BBX: variants seen among roughly 807,000 people sequenced by gnomAD.
BBX encodes the protein BBX high mobility group box domain containing.
BBX carries 30 observed loss-of-function variants against 100.2 expected under a neutral mutation model. The ratio of observed to expected loss-of-function variants is 0.30; its 90% CI spans 0.22 to 0.41. The LOEUF is 0.41. Ranked by LOEUF, BBX falls within the 10% of genes least tolerant of loss-of-function variation. The pLI is 1.00. For missense variants in BBX, 1,023 were observed against 1,129.8 expected (o/e 0.91, Z 1.35); for synonymous variants, 376 against 388.1 (o/e 0.97, Z 0.37).
intron 3 of BBX, among the ~76,000 whole-genome samples, chr3:107,666,598 G>A (rs1267353264): frequency 3.9e-5 from 6 of 152,106 alleles, no homozygotes; most frequent in African/African-American, 4.8e-5. Flanking sequence ...ACGGAGTCTC[G>A]CTCTATTGGC....
At chr3:107,530,591 A>G (rs1293555730) in intron 2 of BBX, among the ~76,000 whole-genome samples, 1 of 152,250 alleles carries the variant, frequency 6.6e-6, no homozygotes, top group Non-Finnish European at 1.5e-5. Flanking sequence ...GAACTCTTAA[A>G]AGGAACATAC....
At chr3:107,670,841 C>T (rs2058983957) in intron 3 of BBX, among the ~76,000 whole-genome samples, 1 of 152,076 alleles carries the variant, frequency 6.6e-6, no homozygotes, top group Admixed American at 6.6e-5. Context: ...CCACTACCAA[C>T]ACCAACAACA....
chr3:107,585,716 A>G (rs1398852210), intron 2 of BBX, among the ~76,000 whole-genome samples: 6 of 152,222 alleles, frequency 3.9e-5, no homozygotes. Context: ...ACTTGAAAAA[A>G]TAAGAGAAAT....
chr3:107,641,379 CT>C (rs1417666662), intron 2 of BBX, among the ~76,000 whole-genome samples: 1 of 152,162 alleles, frequency 6.6e-6, no homozygotes, highest in East Asian at 1.9e-4. Context: ...GCCACCAAGC[CT>C]TGCCGGTCAT....
chr3:107,777,107 C>G (rs1346177750), intron 12 of BBX, among the ~76,000 whole-genome samples: 1 of 152,152 alleles, frequency 6.6e-6, no homozygotes, highest in African/African-American at 2.4e-5. Context: ...ATGATGAAAT[C>G]TCGTGCCATC....
At chr3:107,595,688 G>C (rs531401248) in intron 2 of BBX, among the ~76,000 whole-genome samples, 1 of 152,112 alleles carries the variant, frequency 6.6e-6, no homozygotes, top group Admixed American at 6.5e-5. Context: ...TATGGAACAC[G>C]TATAGTTAAA....
intron 2 of BBX, among the ~76,000 whole-genome samples, chr3:107,637,311 C>G (rs1019148627): frequency 6.6e-6 from 1 of 152,186 alleles, no homozygotes. Flanking sequence ...GAAACATTCT[C>G]TGACTGAGCA....
At chr3:107,613,189 ATT>A (rs1378133556) in intron 2 of BBX, among the ~76,000 whole-genome samples, 20 of 131,804 alleles carry the variant, frequency 1.5e-4, no homozygotes, top group Admixed American at 2.3e-4. Context: ...ATGGAAGGCT[ATT>A]TTTTTTTTTT....
intron 4 of BBX, among the ~76,000 whole-genome samples, chr3:107,712,123 C>T (rs2107321750): frequency 6.6e-6 from 1 of 152,284 alleles, no homozygotes; most frequent in East Asian, 1.9e-4. Context: ...GCAATCCTCC[C>T]TTCTCAACCT....
In BBX at chr3:107,662,805, A is replaced by G. The variant is rs113404804; in HGVS notation, c.-10+16896A>G. Reference sequence around the variant, plus strand: ...TAAACGTTGGGCAATCTACTTCACAATGCTGAATCTCAATTTCCACATGTG... The same window carrying G: ...TAAACGTTGGGCAATCTACTTCACAGTGCTGAATCTCAATTTCCACATGTG... On this transcript the variant is annotated intron_variant, in intron 3 of 17. Coordinates refer to ENST00000325805, the MANE Select transcript of BBX (RefSeq NM_001142568.3). 2.4e-3 allele frequency: 358 copies of G among 152,318 alleles called. 3 individuals are homozygous for G. The highest frequency in any genetic ancestry group is 8.0e-3 in the African/African-American group (331 of 41,560). 9.4% of individuals were successfully genotyped at this position (152,318 alleles called of 1,614,324 possible). A position where few individuals can be genotyped will look rare whatever the true frequency, so the allele number is the denominator to read the frequency against.
At chr3:107,536,760 T>C (rs2048521203) in intron 2 of BBX, among the ~76,000 whole-genome samples, 1 of 152,164 alleles carries the variant, frequency 6.6e-6, no homozygotes, top group Non-Finnish European at 1.5e-5. Flanking sequence ...AGAATGTTGG[T>C]GCTTGACCTA....
chr3:107,791,323 T>A (rs1289733094), intron 15 of BBX, 24 bp downstream of exon 15: 5 of 1,595,602 alleles, frequency 3.1e-6, no homozygotes, highest in Non-Finnish European at 4.3e-6. Flanking sequence ...TGTTATTTAA[T>A]TTGAGACAAT....
intron 7 of BBX, among the ~76,000 whole-genome samples, chr3:107,739,257 T>C (rs1490090969): frequency 6.6e-6 from 1 of 152,212 alleles, no homozygotes; most frequent in Admixed American, 6.5e-5. Context: ...CAGAATACTT[T>C]AATCCATTGA....
intron 9 of BBX, among the ~76,000 whole-genome samples, chr3:107,750,662 C>T (rs1275619153): frequency 6.6e-6 from 1 of 152,124 alleles, no homozygotes; most frequent in Non-Finnish European, 1.5e-5. Flanking sequence ...TACAATCTGA[C>T]CATATTGTCA....
intron 2 of BBX, among the ~76,000 whole-genome samples, chr3:107,606,322 A>ATATT (rs1408328206): frequency 6.6e-6 from 1 of 152,234 alleles, no homozygotes; most frequent in Non-Finnish European, 1.5e-5. Context: ...ATACTCTAAT[A>ATATT]TATTTTAAAA....
intron 16 of BBX, 115 bp downstream of exon 16, chr3:107,798,835 T>TAAAAAAAA: frequency 1.5e-6 from 1 of 688,516 alleles, no homozygotes; most frequent in Admixed American, 3.8e-5. Context: ...GCCAATGAGC[T>TAAAAAAAA]AAAAAAAAAA....
At chr3:107,566,704 TGA>T in intron 2 of BBX, among the ~76,000 whole-genome samples, 1 of 152,184 alleles carries the variant, frequency 6.6e-6, no homozygotes, top group Admixed American at 6.5e-5. Flanking sequence ...ATGTAGGCTT[TGA>T]AGTTTTTGGT....
intron 2 of BBX, among the ~76,000 whole-genome samples, chr3:107,567,183 G>GT (rs2050982201): frequency 1.3e-5 from 2 of 152,116 alleles, no homozygotes; most frequent in Non-Finnish European, 2.9e-5. Flanking sequence ...GTTGGCTGCT[G>GT]TGCAGCCATT....
At chr3:107,712,828 G>A (rs1435807281) in intron 4 of BBX, among the ~76,000 whole-genome samples, 1 of 152,196 alleles carries the variant, frequency 6.6e-6, no homozygotes, top group Non-Finnish European at 1.5e-5. Flanking sequence ...TGTGCTCACA[G>A]CACCTAGAAG....
Sources: allele counts gnomAD v4.1 joint callset (sites outside exome capture counted in the v4.1 genomes callset), GRCh38; gene constraint gnomAD v4.1.1; transcripts MANE v1.5; gene names NCBI Gene and HGNC (gene_info 2026-07-23, HGNC 2026-07-21).